The following FAM227B variants were observed in gnomAD, a reference collection of about 807,000 sequenced individuals.
FAM227B encodes family with sequence similarity 227 member B, also known as protein FAM227B.
In FAM227B, 88 loss-of-function variants were observed where a neutral mutation model predicts 73.8. The observed-to-expected ratio is 1.19, with a 90% CI of 1.00 to 1.42. The LOEUF (loss-of-function observed/expected upper bound fraction) is 1.42, where lower values mean the gene tolerates loss of function less well. Ranked by LOEUF, FAM227B falls within the 40% of genes most tolerant of loss-of-function variation. The pLI, the probability that FAM227B is intolerant of heterozygous loss-of-function variation, is 0.00. For missense variants in FAM227B, 632 were observed against 590.9 expected (o/e 1.07, Z -0.72); for synonymous variants, 210 against 190.5 (o/e 1.10, Z -0.84).
intron 13 of FAM227B, chr15:49,366,701 G>A (rs1487042526): frequency 2.2e-6 from 3 of 1,393,634 alleles, no homozygotes; most frequent in Admixed American, 1.7e-5. Flanking sequence ...GGTGGGTGGC[G>A]GGTGGGGTGG....
rs578097251 is a variant in FAM227B, at chr15:49,519,209, C to T, written c.875-10861G>A. Among the ~76,000 whole-genome samples the T allele has an allele frequency of 5.3e-5, 8 of 152,290 alleles. No homozygotes were observed. In the East Asian group the frequency reaches 7.7e-4, roughly 15 times the overall value. Reference sequence around the variant, plus strand: ...GGGCAGCTCCACCCCTGTGGCTTTGCAGGGTACAGCTTCCCTCTTGGCTGC... The same window carrying T: ...GGGCAGCTCCACCCCTGTGGCTTTGTAGGGTACAGCTTCCCTCTTGGCTGC... On this transcript the variant is annotated intron_variant, in intron 10 of 15. Coordinates refer to ENST00000299338, the MANE Select transcript of FAM227B (RefSeq NM_152647.3).
intron 15 of FAM227B, chr15:49,330,470 G>A (rs1248340457): frequency 6.6e-6 from 1 of 152,136 alleles, no homozygotes; most frequent in Non-Finnish European, 1.5e-5. Context: ...ATTACTGAGT[G>A]GTGGAATATC....
At chr15:49,389,181 A>G (rs905464885) in intron 11 of FAM227B, among the ~76,000 whole-genome samples, 2 of 152,048 alleles carry the variant, frequency 1.3e-5, no homozygotes, top group African/African-American at 4.8e-5. Context: ...TGAAAAAGAC[A>G]CTTGCCCATG....
chr15:49,516,576 C>T (rs1199209633), intron 10 of FAM227B, among the ~76,000 whole-genome samples: 3 of 151,940 alleles, frequency 2.0e-5, no homozygotes, highest in South Asian at 2.1e-4. Context: ...AAATCCTAGG[C>T]AGAAGCCATA....
intron 11 of FAM227B, among the ~76,000 whole-genome samples, chr15:49,495,972 A>C (rs2057565247): frequency 1.3e-5 from 2 of 152,222 alleles, no homozygotes; most frequent in South Asian, 4.2e-4. Context: ...GCAGTGAGCC[A>C]AGATCCCACC....
At chr15:49,420,199 A>G (rs1378694837) in intron 11 of FAM227B, among the ~76,000 whole-genome samples, 1 of 152,188 alleles carries the variant, frequency 6.6e-6, no homozygotes, top group East Asian at 1.9e-4. Context: ...TTATTTTCGT[A>G]GTATAAAATG....
intron 13 of FAM227B, among the ~76,000 whole-genome samples, chr15:49,350,233 G>C (rs913770104): frequency 6.6e-6 from 1 of 152,130 alleles, no homozygotes; most frequent in African/African-American, 2.4e-5. Context: ...TGGTTAATGA[G>C]CACTTAAAAT....
chr15:49,338,296 C>T (rs531610082), intron 13 of FAM227B, among the ~76,000 whole-genome samples: 171 of 152,248 alleles, frequency 1.1e-3, no homozygotes, highest in Non-Finnish European at 2.1e-3. Flanking sequence ...TTTAGTGCTT[C>T]TTTCAGCTCT....
intron 11 of FAM227B, among the ~76,000 whole-genome samples, chr15:49,425,924 T>C (rs1418351849): frequency 6.6e-6 from 1 of 151,712 alleles, no homozygotes; most frequent in Non-Finnish European, 1.5e-5. Context: ...ATTTTTTTGA[T>C]ATCTACTTCT....
intron 11 of FAM227B, among the ~76,000 whole-genome samples, chr15:49,435,242 C>T (rs746331459): frequency 2.0e-5 from 3 of 151,428 alleles, no homozygotes; most frequent in Non-Finnish European, 3.0e-5. Flanking sequence ...ACTGTAAAAT[C>T]GAAGTAATCT....
intron 13 of FAM227B, among the ~76,000 whole-genome samples, chr15:49,348,520 G>A (rs764207180): frequency 6.6e-6 from 1 of 152,144 alleles, no homozygotes; most frequent in Non-Finnish European, 1.5e-5. Flanking sequence ...CTCTAAACTA[G>A]AATATAGGTT....
At chr15:49,394,771 T>C (rs1245352253) in intron 11 of FAM227B, among the ~76,000 whole-genome samples, 1 of 152,174 alleles carries the variant, frequency 6.6e-6, no homozygotes, top group Non-Finnish European at 1.5e-5. Context: ...TTAGGAGCAG[T>C]AGGAAGGTAA....
At chr15:49,383,911 C>G (rs1297810342) in intron 11 of FAM227B, among the ~76,000 whole-genome samples, 1 of 152,054 alleles carries the variant, frequency 6.6e-6, no homozygotes, top group Non-Finnish European at 1.5e-5. Flanking sequence ...TCATTCTCCC[C>G]CCAAATACAG....
intron 11 of FAM227B, chr15:49,424,376 A>C (rs754058875): frequency 6.2e-7 from 1 of 1,613,726 alleles, no homozygotes; most frequent in Non-Finnish European, 8.5e-7. Flanking sequence ...TCTAGTGGGT[A>C]CTATATCTTT....
At chr15:49,481,253 C>G (rs2055916123) in intron 11 of FAM227B, among the ~76,000 whole-genome samples, 1 of 152,184 alleles carries the variant, frequency 6.6e-6, no homozygotes, top group Non-Finnish European at 1.5e-5. Context: ...GCAAAAGCCA[C>G]AATTACTTTT....
chr15:49,329,025 TCTA>T (rs921003414), intron 15 of FAM227B: 1 of 1,009,002 alleles, frequency 9.9e-7, no homozygotes, highest in Non-Finnish European at 1.2e-6. Flanking sequence ...TCACTCTTTT[TCTA>T]CTACTTTTTC....
At chr15:49,601,559 T>C (rs960326524) in intron 3 of FAM227B, among the ~76,000 whole-genome samples, 1 of 152,196 alleles carries the variant, frequency 6.6e-6, no homozygotes, top group Admixed American at 6.5e-5. Context: ...GAGGTTTTGA[T>C]ATAGGCATGC....
At chr15:49,604,156 A>ATGT (rs1469453189) in intron 3 of FAM227B, among the ~76,000 whole-genome samples, 1 of 152,194 alleles carries the variant, frequency 6.6e-6, no homozygotes, top group African/African-American at 2.4e-5. Context: ...TTTTGACTAT[A>ATGT]TTCTTACGTT....
In FAM227B at chr15:49,335,465, T is replaced by G. The variant is rs2039542561; in HGVS notation, c.1303A>C (p.Lys435Gln). 4 of 1,613,564 alleles carry G rather than the reference T, an allele frequency of 2.5e-6. No homozygotes were observed. The highest frequency in any genetic ancestry group is 2.7e-5 in the African/African-American group (2 of 74,926). The stretch of plus-strand genomic sequence containing the variant: ...CTTGCAAATTGTCTTTTTGCCTCCT[T>G]TATAACATCACGGTATGTTGGAGCA... ...LPAPTYRDVI[K>Q]EAKRQFARNQ... The change falls in exon 14 of 16, where the codon AAG (lysine) becomes CAG (glutamine). Residue 435 changes from lysine (K) to glutamine (Q), a missense_variant. Transcript: ENST00000299338.
Sources: gnomAD v4.1 joint callset for allele counts (sites outside exome capture counted in the v4.1 genomes callset) on GRCh38, gnomAD v4.1.1 for gene constraint, MANE v1.5 for transcripts, NCBI Gene and HGNC (gene_info 2026-07-23, HGNC 2026-07-21) for gene names.